The following AP1M1 variants were observed in gnomAD, a reference collection of about 807,000 sequenced individuals.
AP1M1 encodes AP-1 complex subunit mu-1.
Under a neutral mutation model 57.1 loss-of-function variants are expected in AP1M1, and 18 were observed. The ratio of observed to expected loss-of-function variants is 0.32; its 90% CI spans 0.22 to 0.47. The LOEUF (loss-of-function observed/expected upper bound fraction) is 0.47. Among genes scored for constraint, AP1M1 ranks in the 20% least tolerant of loss-of-function variants. AP1M1 has a pLI of 1.00. For missense variants in AP1M1, 362 were observed against 593.5 expected, an observed-to-expected ratio of 0.61 and a Z score of 4.05; for synonymous variants, 241 against 237.9, an observed-to-expected ratio of 1.01 and a Z score of -0.12.
At chr19:16,226,590 A>G in intron 6 of AP1M1, 43 bp downstream of exon 6, 1 of 1,546,192 alleles carries the variant, frequency 6.5e-7, no homozygotes, top group Non-Finnish European at 8.8e-7. Flanking sequence ...GGATGGCCTC[A>G]CCAGGCACAC....
rs866442953 is a variant in AP1M1 at position 16,245,880 on chromosome 19, A to C, written c.*11445A>C. ...ATATTTAAAAAGGCAGGGGGCTAAAATAAATAAATAATTTAAAAAATAAAA... is the reference window on the plus strand; with the variant it reads ...ATATTTAAAAAGGCAGGGGGCTAAACTAAATAAATAATTTAAAAAATAAAA... On this transcript the variant is annotated 3_prime_UTR_variant, in exon 12 of 12. Coordinates refer to ENST00000291439, the MANE Select transcript of AP1M1 (RefSeq NM_032493.4). The C allele has an allele frequency of 6.6e-6, 1 of 152,314 alleles. No homozygotes were observed. Among genetic ancestry groups the C allele is most frequent in the South Asian group, 2.1e-4 (1 of 4,832 alleles). The allele number at this position is 152,314 out of a possible 1,614,324, so 9.4% of individuals were successfully genotyped here. A position where few individuals can be genotyped will look rare whatever the true frequency, so the allele number is the denominator to read the frequency against.
chr19:16,228,343 T>C lies in AP1M1; in HGVS notation c.888+135T>C. ...TGTGGCCTCAGATGCAGGAGTGACCTGACACTGAGGGGACACCGCCTGGGG... is the reference window on the plus strand; with the variant it reads ...TGTGGCCTCAGATGCAGGAGTGACCCGACACTGAGGGGACACCGCCTGGGG... On this transcript the variant is annotated intron_variant, in intron 8 of 11. Coordinates refer to ENST00000291439, the MANE Select transcript of AP1M1 (RefSeq NM_032493.4). This position sits in a 1 kb window ranked among gnomAD's most constrained non-coding sequence, Gnocchi z 5.0. 1.1e-6 allele frequency: 1 copy of C among 923,688 alleles called. No individual in the cohort carries two copies. The highest frequency in any genetic ancestry group is 2.1e-5 in the Admixed American group (1 of 48,656). 57.2% of individuals were successfully genotyped at this position (923,688 alleles called of 1,614,324 possible). A position where few individuals can be genotyped will look rare whatever the true frequency, so the allele number is the denominator to read the frequency against.
chr19:16,234,439 G>A lies in AP1M1; in HGVS notation c.*4G>A, dbSNP rs767593182. 6.2e-7 allele frequency: 1 copy of A among 1,613,540 alleles called. No individual in the cohort carries two copies. Among genetic ancestry groups the A allele is most frequent in the Non-Finnish European group, 8.5e-7 (1 of 1,179,932 alleles). Reference sequence around the variant, plus strand: ...TTACCAGCTCCGGACCCAGTGAGGGGCTGTCGCAGCCAACACCCCGGCCTC... The same window carrying A: ...TTACCAGCTCCGGACCCAGTGAGGGACTGTCGCAGCCAACACCCCGGCCTC... On this transcript the variant is annotated 3_prime_UTR_variant, in exon 12 of 12. Coordinates refer to ENST00000291439, the MANE Select transcript of AP1M1 (RefSeq NM_032493.4).
Position 16,240,274 on chromosome 19 carries a change from ATGTGTGTGTGTGTG to A in AP1M1, c.*5854_*5867del, listed in dbSNP as rs34025291. The A allele has an allele frequency of 2.4e-5, 1 of 41,888 alleles. No individual in the cohort carries two copies. Among genetic ancestry groups the A allele is most frequent in the South Asian group, 9.1e-4 (1 of 1,098 alleles). 2.6% of individuals were successfully genotyped at this position (41,888 alleles called of 1,614,324 possible). On this transcript the variant is annotated 3_prime_UTR_variant, in exon 12 of 12. Transcript: ENST00000291439. The stretch of plus-strand genomic sequence containing the variant: ...TGTGTGTGTGTGTGTGTGTGTGTGT[ATGTGTGTGTGTGTG>A]TGTGTGTGTGTGTGATGTGCGTGTG...
Position 16,207,320 on chromosome 19 carries a change from C to T in AP1M1, c.268-699C>T, listed in dbSNP as rs140982429. 7.5e-4 allele frequency among the ~76,000 whole-genome samples: 114 copies of T among 152,176 alleles called. 1 individual carries two copies. The highest frequency in any genetic ancestry group is 2.4e-4 in the Non-Finnish European group (16 of 67,972). On this transcript the variant is annotated intron_variant, in intron 3 of 11. Coordinates refer to ENST00000291439, the MANE Select transcript of AP1M1 (RefSeq NM_032493.4). This position sits in a 1 kb window ranked among gnomAD's most constrained non-coding sequence, Gnocchi z 4.2. ...CCGAGGGTCACCTGGGAAGGCCCCA[C>T]GTGCAGGCCAAGGGCTGCCTTCACT...
In AP1M1 at chr19:16,198,056, C is replaced by A; in HGVS notation, c.30C>A (p.Asp10Glu). 1 of 1,604,928 alleles carries A rather than the reference C, an allele frequency of 6.2e-7. No homozygotes were observed. The highest frequency in any genetic ancestry group is 8.5e-7 in the Non-Finnish European group (1 of 1,178,108). Residue 10 changes from aspartate (D) to glutamate (E), a missense_variant, in exon 1 of 12, where the codon GAC (aspartate) becomes GAA (glutamate). Around this residue, in one of 2 missense-constraint regions of AP1M1, gnomAD observed 337 missense variants for 511.1 expected, o/e 0.66. Transcript: ENST00000291439. ...CCGCCAGCGCCGTCTACGTGCTGGACCTGAAGGGCAAGGTACTGAGGGCTC... is the reference window on the plus strand; with the variant it reads ...CCGCCAGCGCCGTCTACGTGCTGGAACTGAAGGGCAAGGTACTGAGGGCTC... MSASAVYVLDLKGKVLICRN... is the reference protein window; with the variant it reads MSASAVYVLELKGKVLICRN...
intron 5 of AP1M1, among the ~76,000 whole-genome samples, chr19:16,223,670 G>T (rs757649201): frequency 6.6e-6 from 1 of 152,202 alleles, no homozygotes; most frequent in Admixed American, 6.5e-5. Context: ...CTGAGCTCTC[G>T]TGTGCTCTGT....
intron 10 of AP1M1, chr19:16,233,954 C>T: frequency 1.1e-5 from 6 of 559,082 alleles, no homozygotes; most frequent in Non-Finnish European, 1.9e-5. Flanking sequence ...GCCGGGCCCC[C>T]CAAGCAGGCT....
At position 16,227,675 on chromosome 19, in the gene AP1M1, C is replaced by T. The variant is rs368590185; in HGVS notation, c.801C>T (p.Tyr267=). ...ACGGCGAGTTCGAGCTCATGTCCTA[C>T]CGTCTCAACACCCACGTGAGTGCGC... is the stretch of plus-strand genomic sequence containing the variant. The part of the protein sequence containing the change: ...PPDGEFELMS[Y]RLNTHVKPLI... Residue 267 remains tyrosine, a synonymous_variant, in exon 7 of 12, where the codon TAC becomes TAT. Transcript: ENST00000291439. This position sits in a 1 kb window ranked among gnomAD's most constrained non-coding sequence, Gnocchi z 6.2. 4 of 1,613,858 alleles carry T rather than the reference C, an allele frequency of 2.5e-6. No individual in the cohort carries two copies. Among genetic ancestry groups the T allele is most frequent in the Non-Finnish European group, 8.5e-7 (1 of 1,179,902 alleles).
chr19:16,222,211 A>ATT (rs1185219025), intron 5 of AP1M1, among the ~76,000 whole-genome samples: 10 of 125,118 alleles, frequency 8.0e-5, no homozygotes, highest in Admixed American at 2.5e-4. Context: ...TATTATTATT[A>ATT]TTTTTTTTTT....
Position 16,234,666 on chromosome 19 carries a change from T to C in AP1M1, c.*231T>C. The C allele has an allele frequency of 1.7e-6, 1 of 600,322 alleles. No homozygotes were observed. Among genetic ancestry groups the C allele is most frequent in the Non-Finnish European group, 3.0e-6 (1 of 338,424 alleles). The allele number at this position is 600,322 out of a possible 1,614,324, so 37.2% of individuals were successfully genotyped here. A position where few individuals can be genotyped will look rare whatever the true frequency, so the allele number is the denominator to read the frequency against. On this transcript the variant is annotated 3_prime_UTR_variant, in exon 12 of 12. Coordinates refer to ENST00000291439, the MANE Select transcript of AP1M1 (RefSeq NM_032493.4). ...TCAAGAAGTCTCGTTTCTTTGCCCCTGAAGTCAGTTTCAGGGGAAGGATGT... is the reference window on the plus strand; with the variant it reads ...TCAAGAAGTCTCGTTTCTTTGCCCCCGAAGTCAGTTTCAGGGGAAGGATGT...
chr19:16,220,592 T>A (rs540550998), intron 5 of AP1M1, among the ~76,000 whole-genome samples: 1 of 152,286 alleles, frequency 6.6e-6, no homozygotes, highest in Admixed American at 6.5e-5. Flanking sequence ...GATTTCACCT[T>A]GTTGGCTGGG....
intron 5 of AP1M1, among the ~76,000 whole-genome samples, chr19:16,218,135 G>A (rs1209713213): frequency 1.3e-5 from 2 of 152,244 alleles, no homozygotes; most frequent in Non-Finnish European, 2.9e-5. Flanking sequence ...CTGCAGAGCT[G>A]CCTCTGAGCT....
Position 16,243,075 on chromosome 19 carries a change from G to C in AP1M1, c.*8640G>C, listed in dbSNP as rs1033812927. 1 of 151,904 alleles carries C rather than the reference G, an allele frequency of 6.6e-6. No individual in the cohort carries two copies. Among genetic ancestry groups the C allele is most frequent in the Admixed American group, 6.6e-5 (1 of 15,226 alleles). 9.4% of individuals were successfully genotyped at this position (151,904 alleles called of 1,614,324 possible). A position where few individuals can be genotyped will look rare whatever the true frequency, so the allele number is the denominator to read the frequency against. ...TGAGCCACCACACACGGCCAGAATA[G>C]ACTTTAAAGCAAGAAAGCAAAAGAA... On this transcript the variant is annotated 3_prime_UTR_variant, in exon 12 of 12. Transcript: ENST00000291439.
Position 16,203,128 on chromosome 19 carries a change from G to T in AP1M1, c.43-331G>T. ...TGCGTTGGCCCGGCAAAGGCTCTGA[G>T]AAGGTCTGCATTGAGAGCTTGTGAG... is the stretch of plus-strand genomic sequence containing the variant. On this transcript the variant is annotated intron_variant, in intron 1 of 11. Transcript: ENST00000291439. This position sits in a 1 kb window ranked among gnomAD's most constrained non-coding sequence, Gnocchi z 4.6. The T allele has an allele frequency of 3.4e-6, 1 of 296,858 alleles. No individual in the cohort carries two copies. The highest frequency in any genetic ancestry group is 3.5e-5 in the South Asian group (1 of 28,944). The allele number at this position is 296,858 out of a possible 1,614,324, so 18.4% of individuals were successfully genotyped here. A position where few individuals can be genotyped will look rare whatever the true frequency, so the allele number is the denominator to read the frequency against.
rs556304641 is a variant in AP1M1, at chr19:16,213,352, C to CT, written c.546+4182dup. The stretch of plus-strand genomic sequence containing the variant: ...ACCATTATGCAATGCACTTCTTTGT[C>CT]TTTTTTTGATCTTTGTTGGCTTAAA... On this transcript the variant is annotated intron_variant, in intron 5 of 11. Coordinates refer to ENST00000291439, the MANE Select transcript of AP1M1 (RefSeq NM_032493.4). Among the ~76,000 whole-genome samples, 281 of 152,216 alleles carry CT rather than the reference C, an allele frequency of 1.8e-3. 1 individual carries two copies. Among genetic ancestry groups the CT allele is most frequent in the African/African-American group, 6.5e-3 (271 of 41,528 alleles).
chr19:16,198,648 G>T (rs2091434608), intron 1 of AP1M1, among the ~76,000 whole-genome samples: 1 of 152,200 alleles, frequency 6.6e-6, no homozygotes, highest in Non-Finnish European at 1.5e-5. Flanking sequence ...GAGAGGTGAA[G>T]CAACCTGACC....
intron 10 of AP1M1, 50 bp from the exon 11 acceptor site, chr19:16,234,149 C>T: frequency 1.3e-6 from 2 of 1,557,336 alleles, no homozygotes; most frequent in Non-Finnish European, 1.7e-6. Flanking sequence ...AAGGGGGGAC[C>T]AACAGGGCGG....
intron 5 of AP1M1, among the ~76,000 whole-genome samples, chr19:16,214,602 T>A (rs576260305): frequency 2.6e-5 from 4 of 152,240 alleles, no homozygotes; most frequent in Admixed American, 2.0e-4. Flanking sequence ...TTCGCCTGCC[T>A]CAGCCTCCCA....
Sources: allele counts gnomAD v4.1 joint callset (sites outside exome capture counted in the v4.1 genomes callset), GRCh38; gene constraint gnomAD v4.1.1; regional missense constraint gnomAD v4.1.1; non-coding constraint Gnocchi (gnomAD v3.1); transcripts MANE v1.5; gene names NCBI Gene and HGNC (gene_info 2026-07-23, HGNC 2026-07-21).